The following PIP5K1B variants were observed in gnomAD, a reference collection of about 807,000 sequenced individuals.
PIP5K1B encodes the protein phosphatidylinositol 4-phosphate 5-kinase type-1 beta.
A neutral mutation model predicts 67.0 loss-of-function variants in PIP5K1B; 42 were observed. That is an observed-to-expected ratio of 0.63 (90% CI 0.49 to 0.81). The LOEUF is 0.81. Among genes scored for constraint, PIP5K1B ranks in the 30% least tolerant of loss-of-function variants. The probability of loss-of-function intolerance (pLI) is 0.00; values close to 1 mark genes in which losing one functional copy is unlikely to be tolerated. For missense variants in PIP5K1B, 459 were observed against 646.3 expected (o/e 0.71, Z 3.14); for synonymous variants, 214 against 231.4 (o/e 0.92, Z 0.68).
rs1017466248 is a variant in PIP5K1B, at chr9:69,008,857, ATG to A, written c.*409_*410del. On this transcript the variant is annotated 3_prime_UTR_variant, in exon 16 of 16. Coordinates refer to ENST00000265382, the MANE Select transcript of PIP5K1B (RefSeq NM_003558.4). Reference sequence around the variant, plus strand: ...TATTTTTAAAAATCCATCCACACACATGGTAAATTAAGTATAAATTCTTTTGC... The same window carrying A: ...TATTTTTAAAAATCCATCCACACACAGTAAATTAAGTATAAATTCTTTTGC... 7 of 163,004 alleles carry A rather than the reference ATG, an allele frequency of 4.3e-5. No individual in the cohort carries two copies. The highest frequency in any genetic ancestry group is 1.7e-4 in the African/African-American group (7 of 41,760). The allele number at this position is 163,004 out of a possible 1,614,324, so 10.1% of individuals were successfully genotyped here. A position where few individuals can be genotyped will look rare whatever the true frequency, so the allele number is the denominator to read the frequency against.
chr9:68,940,387 G>GT (rs1210602593), intron 13 of PIP5K1B, among the ~76,000 whole-genome samples: 2 of 151,922 alleles, frequency 1.3e-5, no homozygotes, highest in African/African-American at 2.4e-5. Context: ...ACTTTATTAG[G>GT]TTTTTAAAAG....
At position 68,784,038 on chromosome 9, in the gene PIP5K1B, C is replaced by G. The variant is rs146591524; in HGVS notation, c.-85-34423C>G. On this transcript the variant is annotated intron_variant, in intron 2 of 15. Transcript: ENST00000265382. ...CTTTTCCTTAAATACATCATGTTCTCTCCTATTTTAGATCCTTTTCCCCGA... is the reference window on the plus strand; with the variant it reads ...CTTTTCCTTAAATACATCATGTTCTGTCCTATTTTAGATCCTTTTCCCCGA... The G allele has an allele frequency of 4.1e-3, 688 of 167,206 alleles. 2 individuals are homozygous for G. Among genetic ancestry groups the G allele is most frequent in the Non-Finnish European group, 6.8e-3 (465 of 68,116 alleles). The allele number at this position is 167,206 out of a possible 1,614,324, so 10.4% of individuals were successfully genotyped here.
chr9:68,931,177 A>G (rs958726846), intron 12 of PIP5K1B, among the ~76,000 whole-genome samples: 1 of 152,220 alleles, frequency 6.6e-6, no homozygotes, highest in Non-Finnish European at 1.5e-5. Flanking sequence ...TATTTCCTGG[A>G]AATATTAGCC....
intron 5 of PIP5K1B, 44 bp from the exon 6 acceptor site, chr9:68,876,633 A>C: frequency 9.6e-7 from 1 of 1,043,706 alleles, no homozygotes; most frequent in Non-Finnish European, 1.5e-6. Context: ...TGTCCTTGCT[A>C]ATGTGTTCTT....
intron 1 of PIP5K1B, among the ~76,000 whole-genome samples, chr9:68,715,166 T>C (rs1024891147): frequency 2.6e-5 from 4 of 152,222 alleles, no homozygotes; most frequent in Non-Finnish European, 4.4e-5. Flanking sequence ...TCTCTGTATT[T>C]CCTCATAACA....
At chr9:68,803,046 A>G (rs1432288974) in intron 2 of PIP5K1B, among the ~76,000 whole-genome samples, 4 of 152,202 alleles carry the variant, frequency 2.6e-5, no homozygotes, top group Non-Finnish European at 5.9e-5. Flanking sequence ...AAATGCAGAG[A>G]AAGACTCAGA....
chr9:68,788,866 T>G (rs905934816), intron 2 of PIP5K1B: 3 of 243,154 alleles, frequency 1.2e-5, no homozygotes, highest in African/African-American at 7.0e-5. Context: ...GCAACCAGTT[T>G]CTTTGCACTG....
At chr9:68,787,152 G>T (rs1350107803) in intron 2 of PIP5K1B, among the ~76,000 whole-genome samples, 1 of 152,164 alleles carries the variant, frequency 6.6e-6, no homozygotes, top group African/African-American at 2.4e-5. Flanking sequence ...AAAAAGGCTG[G>T]TGAATTCTGT....
At chr9:68,980,131 C>G (rs1001193835) in intron 14 of PIP5K1B, among the ~76,000 whole-genome samples, 3 of 152,232 alleles carry the variant, frequency 2.0e-5, no homozygotes, top group Non-Finnish European at 4.4e-5. Flanking sequence ...ACTGTCCAGG[C>G]TGCAGCAGGA....
chr9:68,874,623 G>A (rs997518797), intron 5 of PIP5K1B, among the ~76,000 whole-genome samples: 1 of 152,176 alleles, frequency 6.6e-6, no homozygotes, highest in Admixed American at 6.5e-5. Flanking sequence ...AATAGTAAAT[G>A]CAGCATCCTC....
Position 68,891,458 on chromosome 9 carries a change from A to T in PIP5K1B, c.471+2325A>T, listed in dbSNP as rs530867928. Among the ~76,000 whole-genome samples the T allele has an allele frequency of 2.6e-3, 389 of 151,616 alleles. 1 individual carries two copies. The highest frequency in any genetic ancestry group is 8.5e-3 in the African/African-American group (352 of 41,352). On this transcript the variant is annotated intron_variant, in intron 7 of 15. Transcript: ENST00000265382. ...GGCAGGGGAGTTTTTTTTTTTTTAA[A>T]AAATGATAAATAAATCAATGATTAT... is the stretch of plus-strand genomic sequence containing the variant.
chr9:68,788,738 G>A, intron 2 of PIP5K1B: 1 of 270,470 alleles, frequency 3.7e-6, no homozygotes, highest in Non-Finnish European at 7.6e-6. Context: ...TCTGGCTGGT[G>A]ACTATCACTC....
intron 12 of PIP5K1B, among the ~76,000 whole-genome samples, chr9:68,928,578 T>G (rs1826827096): frequency 6.6e-6 from 1 of 152,134 alleles, no homozygotes; most frequent in African/African-American, 2.4e-5. Flanking sequence ...GTGAGGGAGA[T>G]CTAACCTTGT....
intron 15 of PIP5K1B, among the ~76,000 whole-genome samples, chr9:69,002,411 CT>C (rs1830862030): frequency 6.6e-6 from 1 of 152,154 alleles, no homozygotes. Flanking sequence ...TGATTTTCTT[CT>C]GTTCACACTG....
intron 2 of PIP5K1B, among the ~76,000 whole-genome samples, chr9:68,772,921 G>A (rs1247780006): frequency 6.6e-6 from 1 of 152,162 alleles, no homozygotes; most frequent in Non-Finnish European, 1.5e-5. Context: ...TTTACTGTTT[G>A]CAAGGCCTTT....
chr9:68,764,074 C>CTTTTTTTTTTTTTTTTTTTTTT (rs72304177), intron 2 of PIP5K1B, among the ~76,000 whole-genome samples: 1 of 73,516 alleles, frequency 1.4e-5, no homozygotes, highest in African/African-American at 5.4e-5. Flanking sequence ...ACTATAACTT[C>CTTTTTTTTTTTTTTTTTTTTTT]TTTTTTTTTT....
chr9:68,987,740 C>T (rs1413019624), intron 14 of PIP5K1B, among the ~76,000 whole-genome samples: 2 of 152,060 alleles, frequency 1.3e-5, no homozygotes, highest in African/African-American at 2.4e-5. Flanking sequence ...AGGCTAAAGG[C>T]ACTTCTTACA....
At chr9:68,808,974 A>G (rs1033713272) in intron 2 of PIP5K1B, among the ~76,000 whole-genome samples, 1 of 152,230 alleles carries the variant, frequency 6.6e-6, no homozygotes, top group African/African-American at 2.4e-5. Flanking sequence ...TTCTATTTTT[A>G]CAGCTTCTAA....
intron 2 of PIP5K1B, among the ~76,000 whole-genome samples, chr9:68,761,321 A>G (rs1830172832): frequency 6.6e-6 from 1 of 152,134 alleles, no homozygotes; most frequent in Non-Finnish European, 1.5e-5. Context: ...GGCAATGATC[A>G]TTAAGATATG....
Sources: allele counts gnomAD v4.1 joint callset (sites outside exome capture counted in the v4.1 genomes callset), GRCh38; gene constraint gnomAD v4.1.1; transcripts MANE v1.5; gene names NCBI Gene and HGNC (gene_info 2026-07-23, HGNC 2026-07-21).